Variants in NF1 observed in about 807,000 individuals in gnomAD.
The protein encoded by NF1 is neurofibromin.
Under a neutral mutation model 325.7 loss-of-function variants are expected in NF1, and 122 were observed. The ratio of observed to expected loss-of-function variants is 0.37; its 90% CI spans 0.32 to 0.44. The LOEUF is 0.44. NF1 is among the 20% of genes least tolerant of loss of function. NF1 has a pLI of 1.00. For synonymous variants in NF1, 1,091 were observed against 1,186.0 expected, an observed-to-expected ratio of 0.92 and a Z score of 1.65; for missense variants, 2,140 against 3,415.4, an observed-to-expected ratio of 0.63 and a Z score of 9.31.
Position 31,340,745 on chromosome 17 carries a change from TTAAG to T in NF1, c.7062+103_7062+106del. 3 of 1,246,118 alleles carry T rather than the reference TTAAG, an allele frequency of 2.4e-6. No homozygotes were observed. In the South Asian group the frequency reaches 3.8e-5, roughly 16 times the overall value. The allele number at this position is 1,246,118 out of a possible 1,614,324, so 77.2% of individuals were successfully genotyped here. ...TTTAAAATCACAAGAAGTCCATAAC[TTAAG>T]TAGGAATTTGTATAATGTAACTTAT... On this transcript the variant is annotated intron_variant, in intron 47 of 57. Transcript: ENST00000358273.
At position 31,350,176 on chromosome 17, in the gene NF1, C is replaced by G. The variant is rs2151574208; in HGVS notation, c.7322-7C>G. The stretch of plus-strand genomic sequence containing the variant: ...AATTTTTTAACCTGCCACCGTTTTC[C>G]TTTTAGCTTTACTTACAGTGTCTGA... On this transcript the variant is annotated splice_polypyrimidine_tract_variant and splice_region_variant and intron_variant, in intron 49 of 57. Coordinates refer to ENST00000358273, the MANE Select transcript of NF1 (RefSeq NM_001042492.3). The G allele has an allele frequency of 6.2e-7, 1 of 1,613,866 alleles. No individual in the cohort carries two copies. Among genetic ancestry groups the G allele is most frequent in the Middle Eastern group, 1.7e-4 (1 of 6,060 alleles).
At chr17:31,353,475 A>T (rs941031594) in intron 51 of NF1, among the ~76,000 whole-genome samples, 1 of 152,178 alleles carries the variant, frequency 6.6e-6, no homozygotes, top group African/African-American at 2.4e-5. Flanking sequence ...TACAAAAAAT[A>T]CAAAACTTAG....
At chr17:31,292,321 C>T (rs1197800422) in intron 36 of NF1, among the ~76,000 whole-genome samples, 1 of 152,124 alleles carries the variant, frequency 6.6e-6, no homozygotes, top group African/African-American at 2.4e-5. Flanking sequence ...TGAAATTTTT[C>T]TGGAGCCAGG....
In NF1 at chr17:31,325,853, G is replaced by A. The variant is rs1555533279; in HGVS notation, c.4869G>A (p.Leu1623=). ...FKTGQINGDL[L]IYHVLLTLKP... ...CTGGTCAAATCAATGGTGATTTGCT[G>A]ATATACCATGTCTTACTGACTTTAA... Residue 1623 remains leucine (L), a synonymous_variant, in exon 37 of 58, where the codon CTG becomes CTA. Coordinates refer to ENST00000358273, the MANE Select transcript of NF1 (RefSeq NM_001042492.3). 1.8e-5 allele frequency: 29 copies of A among 1,614,076 alleles called. No individual in the cohort carries two copies. The highest frequency in any genetic ancestry group is 2.4e-5 in the Non-Finnish European group (28 of 1,179,994).
chr17:31,216,205 G>A (rs2066816641), intron 13 of NF1, among the ~76,000 whole-genome samples: 1 of 152,102 alleles, frequency 6.6e-6, no homozygotes. Flanking sequence ...CTCTGTTTAC[G>A]TGGTGATAAT....
chr17:31,248,204 C>CG lies in NF1; in HGVS notation c.3975-779dup. On this transcript the variant is annotated intron_variant, in intron 29 of 57. Transcript: ENST00000358273. Reference sequence around the variant, plus strand: ...GCAACGAGAGTGAAACTCCATCCCCCGCCCCCACCCCCCACCAAAAAAAAA... The same window carrying CG: ...GCAACGAGAGTGAAACTCCATCCCCCGGCCCCCACCCCCCACCAAAAAAAAA... 2.2e-5 allele frequency among the ~76,000 whole-genome samples: 3 copies of CG among 135,874 alleles called. No homozygotes were observed. The South Asian group carries it at 7.0e-4, about 32-fold the overall frequency. The allele number at this position is 135,874 out of a possible 152,430, so 89.1% of individuals were successfully genotyped here.
At chr17:31,296,145 A>G (rs2068459294) in intron 36 of NF1, 1 of 1,610,930 alleles carries the variant, frequency 6.2e-7, no homozygotes, top group Non-Finnish European at 8.5e-7. Flanking sequence ...TGGTTATAAG[A>G]CAGGTTTAAA....
chr17:31,260,621 A>G (rs2067668765), intron 34 of NF1, 106 bp downstream of exon 34: 2 of 1,302,944 alleles, frequency 1.5e-6, no homozygotes, highest in Non-Finnish European at 2.2e-6. Context: ...TTCTTGGACT[A>G]AGAATTATGG....
intron 36 of NF1, among the ~76,000 whole-genome samples, chr17:31,298,929 A>T (rs1180853693): frequency 1.3e-5 from 2 of 152,082 alleles, no homozygotes; most frequent in African/African-American, 2.4e-5. Flanking sequence ...ATGCATTTTC[A>T]TTACACTTAA....
chr17:31,315,114 G>C (rs1354815059), intron 36 of NF1, among the ~76,000 whole-genome samples: 2 of 151,902 alleles, frequency 1.3e-5, no homozygotes, highest in African/African-American at 4.8e-5. Context: ...AAATTATTTT[G>C]ACCAAATATT....
intron 1 of NF1, among the ~76,000 whole-genome samples, chr17:31,140,404 G>T (rs1483196332): frequency 6.6e-6 from 1 of 152,198 alleles, no homozygotes; most frequent in East Asian, 1.9e-4. Flanking sequence ...GTGCTAATTA[G>T]TAGTTGTTTA....
At chr17:31,349,314 G>A (rs2151573222) in intron 49 of NF1, 63 bp downstream of exon 49, 1 of 1,557,108 alleles carries the variant, frequency 6.4e-7, no homozygotes, top group South Asian at 1.1e-5. Flanking sequence ...CACCCAAAAA[G>A]TACAAATACC....
chr17:31,148,611 A>C (rs563352370), intron 1 of NF1, among the ~76,000 whole-genome samples: 1 of 152,030 alleles, frequency 6.6e-6, no homozygotes, highest in African/African-American at 2.4e-5. Context: ...AAATATCTTG[A>C]CTTCATATAG....
chr17:31,119,348 T>C (rs1914238686), intron 1 of NF1, among the ~76,000 whole-genome samples: 1 of 152,122 alleles, frequency 6.6e-6, no homozygotes, highest in Non-Finnish European at 1.5e-5. Flanking sequence ...TGGTTTTGAT[T>C]TGCATTTCTC....
At chr17:31,133,526 A>G (rs1915543991) in intron 1 of NF1, 1 of 152,126 alleles carries the variant, frequency 6.6e-6, no homozygotes. Flanking sequence ...TCATATGGTA[A>G]TTCTATTTGT....
At chr17:31,165,610 A>G (rs761810541) in intron 4 of NF1, among the ~76,000 whole-genome samples, 7 of 152,194 alleles carry the variant, frequency 4.6e-5, no homozygotes, top group African/African-American at 7.2e-5. Flanking sequence ...CTCCCCGTCA[A>G]TGTTTCTCCT....
intron 39 of NF1, among the ~76,000 whole-genome samples, chr17:31,332,261 C>G (rs532404816): frequency 2.6e-5 from 4 of 151,956 alleles, no homozygotes; most frequent in Non-Finnish European, 5.9e-5. Context: ...GTAAGGAGTT[C>G]GAGACCAGCC....
rs575282371 is a variant in NF1 at position 31,367,959 on chromosome 17, T to TA, written c.8378-6042dup. Reference sequence around the variant, plus strand: ...GCAATACTCTGTCTCACAAAAAAATTAAAAAAAAAAAATATATGGTCATTA... The same window carrying TA: ...GCAATACTCTGTCTCACAAAAAAATTAAAAAAAAAAAAATATATGGTCATTA... On this transcript the variant is annotated intron_variant, in intron 57 of 57. Coordinates refer to ENST00000358273, the MANE Select transcript of NF1 (RefSeq NM_001042492.3). Among the ~76,000 whole-genome samples the TA allele has an allele frequency of 5.2e-3, 740 of 143,370 alleles. 2 individuals carry two copies. Among genetic ancestry groups the TA allele is most frequent in the Non-Finnish European group, 7.6e-3 (495 of 64,912 alleles). The allele number at this position is 143,370 out of a possible 152,430, so 94.1% of individuals were successfully genotyped here.
rs546897239 is a variant in NF1 at position 31,325,290 on chromosome 17, G to A, written c.4836-530G>A. Among the ~76,000 whole-genome samples the A allele has an allele frequency of 4.6e-5, 7 of 152,212 alleles. No individual in the cohort carries two copies. The East Asian group carries it at 1.4e-3, about 29-fold the overall frequency. On this transcript the variant is annotated intron_variant, in intron 36 of 57. Coordinates refer to ENST00000358273, the MANE Select transcript of NF1 (RefSeq NM_001042492.3). ...CCAAAATATGAGCTAGCAACTCCTAGGGCTACGTATTCCCTTGTTTATAAA... is the reference window on the plus strand; with the variant it reads ...CCAAAATATGAGCTAGCAACTCCTAAGGCTACGTATTCCCTTGTTTATAAA...
Sources: gnomAD v4.1 joint callset for allele counts (sites outside exome capture counted in the v4.1 genomes callset) on GRCh38, gnomAD v4.1.1 for gene constraint, MANE v1.5 for transcripts, NCBI Gene and HGNC (gene_info 2026-07-23, HGNC 2026-07-21) for gene names.